The following EDA variants were observed in gnomAD, a reference collection of about 807,000 sequenced individuals.
EDA encodes ectodysplasin A.
In EDA, 2 loss-of-function variants were observed where a neutral mutation model predicts 23.6. The ratio of observed to expected loss-of-function variants is 0.08; its 90% CI spans 0.03 to 0.27. The LOEUF (loss-of-function observed/expected upper bound fraction) is 0.27. Ranked by LOEUF, EDA falls within the 10% of genes least tolerant of loss-of-function variation. EDA has a pLI of 1.00. For synonymous variants in EDA, 131 were observed against 132.0 expected, an observed-to-expected ratio of 0.99 and a Z score of 0.05; for missense variants, 229 against 324.2, an observed-to-expected ratio of 0.71 and a Z score of 2.26.
intron 1 of EDA, among the ~76,000 whole-genome samples, chrX:69,787,953 T>C (rs1288838500): frequency 1.8e-5 from 2 of 111,999 alleles, no homozygotes; most frequent in Non-Finnish European, 3.8e-5. Flanking sequence ...TTTGGTCTTT[T>C]CACATAGTCC....
intron 1 of EDA, among the ~76,000 whole-genome samples, chrX:69,777,144 TTTG>T (rs140366037): frequency 0.19 from 19,923 of 106,661 alleles, 1,542 homozygotes; most frequent in African/African-American, 0.23. Flanking sequence ...GATTCTGGGT[TTTG>T]TTGTTGTTGT....
chrX:69,763,977 T>A (rs2014389144), intron 1 of EDA, among the ~76,000 whole-genome samples: 1 of 110,918 alleles, frequency 9.0e-6, no homozygotes, highest in African/African-American at 3.3e-5. Flanking sequence ...TATGCTATAA[T>A]AAATTTTGAT....
At chrX:69,638,656 G>A (rs1297792121) in intron 1 of EDA, among the ~76,000 whole-genome samples, 1 of 111,761 alleles carries the variant, frequency 8.9e-6, no homozygotes, top group Non-Finnish European at 1.9e-5. Context: ...CTTTCTCTGG[G>A]TTAGTCTGAG....
chrX:69,892,263 C>G (rs1202978), intron 1 of EDA, among the ~76,000 whole-genome samples: 1 of 110,953 alleles, frequency 9.0e-6, no homozygotes, highest in African/African-American at 3.3e-5. Context: ...TGTCTTTGCT[C>G]TATGTAAACT....
chrX:70,016,907 T>A (rs1276278281), intron 2 of EDA, among the ~76,000 whole-genome samples: 1 of 110,539 alleles, frequency 9.0e-6, no homozygotes, highest in Non-Finnish European at 1.9e-5. Flanking sequence ...ATACAAAAGA[T>A]CAATGAAATC....
rs1164656379 is a variant in EDA at position 69,621,947 on chromosome X, C to T, written c.396+5243C>T. 4.5e-5 allele frequency among the ~76,000 whole-genome samples: 5 copies of T among 110,841 alleles called. No homozygotes were observed. In the East Asian group the frequency reaches 1.4e-3, roughly 31 times the overall value. On this transcript the variant is annotated intron_variant, in intron 1 of 7. Coordinates refer to ENST00000374552, the MANE Select transcript of EDA (RefSeq NM_001399.5). Reference sequence around the variant, plus strand: ...CTCATTTTTAATTTTTTTATAGAGACAGGATCTCTCTATGTTGCCCAGACT... The same window carrying T: ...CTCATTTTTAATTTTTTTATAGAGATAGGATCTCTCTATGTTGCCCAGACT...
chrX:69,935,893 A>C (rs778828504), intron 1 of EDA, among the ~76,000 whole-genome samples: 1 of 109,173 alleles, frequency 9.2e-6, no homozygotes, highest in East Asian at 2.9e-4. Context: ...CTCTCTCTCT[A>C]TATGACAATA....
At chrX:69,890,028 G>A (rs756913584) in intron 1 of EDA, among the ~76,000 whole-genome samples, 1 of 111,921 alleles carries the variant, frequency 8.9e-6, no homozygotes, top group South Asian at 3.7e-4. Flanking sequence ...AGTACCATAT[G>A]TATAAAAGGC....
At chrX:69,978,995 T>A (rs968084305) in intron 2 of EDA, among the ~76,000 whole-genome samples, 4 of 111,665 alleles carry the variant, frequency 3.6e-5, no homozygotes, top group African/African-American at 9.8e-5. Flanking sequence ...ATTGCCACTG[T>A]ACATTTCCAG....
At chrX:70,012,130 C>A (rs1389377513) in intron 2 of EDA, among the ~76,000 whole-genome samples, 1 of 111,499 alleles carries the variant, frequency 9.0e-6, no homozygotes, top group East Asian at 2.8e-4. Context: ...AGCTATATGT[C>A]CCCCTCTGAT....
chrX:69,875,969 C>CA (rs1335252269), intron 1 of EDA, among the ~76,000 whole-genome samples: 2 of 111,120 alleles, frequency 1.8e-5, no homozygotes, highest in African/African-American at 6.5e-5. Context: ...TGGCCATAAT[C>CA]AAAAAATCAA....
intron 1 of EDA, among the ~76,000 whole-genome samples, chrX:69,632,925 T>TA (rs1446732745): frequency 8.9e-6 from 1 of 111,910 alleles, no homozygotes. Context: ...TTTTTCCTCT[T>TA]AGCATGTAGT....
At chrX:69,783,141 A>G (rs926473710) in intron 1 of EDA, among the ~76,000 whole-genome samples, 1 of 111,763 alleles carries the variant, frequency 8.9e-6, no homozygotes, top group Non-Finnish European at 1.9e-5. Flanking sequence ...AAGGGTAGAT[A>G]TGCTATTGTC....
intron 1 of EDA, among the ~76,000 whole-genome samples, chrX:69,764,234 C>CTTTTTTTTTTTTTTTTTTT (rs1189179243): frequency 9.0e-5 from 4 of 44,546 alleles, no homozygotes; most frequent in Admixed American, 3.9e-4. Context: ...ATTTTTTATT[C>CTTTTTTTTTTTTTTTTTTT]TTTTTTTTTT....
chrX:69,807,660 A>G (rs1413149285), intron 1 of EDA, among the ~76,000 whole-genome samples: 1 of 108,913 alleles, frequency 9.2e-6, no homozygotes, highest in Non-Finnish European at 1.9e-5. Flanking sequence ...TAGACTTTCA[A>G]TTTACAACAG....
intron 1 of EDA, among the ~76,000 whole-genome samples, chrX:69,886,440 A>G (rs974482047): frequency 5.4e-5 from 6 of 111,396 alleles, no homozygotes; most frequent in Admixed American, 1.9e-4. Context: ...TGACCCCAGA[A>G]AAAGGCTGAA....
At chrX:69,944,769 G>T (rs755927882) in intron 1 of EDA, among the ~76,000 whole-genome samples, 2 of 111,650 alleles carry the variant, frequency 1.8e-5, no homozygotes, top group East Asian at 5.7e-4. Context: ...TGTCCTTGTG[G>T]CCTAGACTGC....
chrX:69,754,162 C>T (rs1046473744), intron 1 of EDA, among the ~76,000 whole-genome samples: 4 of 112,068 alleles, frequency 3.6e-5, no homozygotes, highest in African/African-American at 1.3e-4. Flanking sequence ...TTCTTCCTAG[C>T]ATTGATGGTC....
chrX:69,808,275 A>G (rs918138860), intron 1 of EDA, among the ~76,000 whole-genome samples: 1 of 111,503 alleles, frequency 9.0e-6, no homozygotes, highest in Non-Finnish European at 1.9e-5. Context: ...ACAAATTACA[A>G]CTAGCCAAAA....
Sources: allele counts gnomAD v4.1 joint callset (sites outside exome capture counted in the v4.1 genomes callset), GRCh38; gene constraint gnomAD v4.1.1; transcripts MANE v1.5; gene names NCBI Gene and HGNC (gene_info 2026-07-23, HGNC 2026-07-21).